The following ZBTB45 variants were observed in gnomAD, a reference collection of about 807,000 sequenced individuals.
ZBTB45 encodes zinc finger and BTB domain-containing protein 45.
Under a neutral mutation model 28.4 loss-of-function variants are expected in ZBTB45, and 22 were observed. That is an observed-to-expected ratio of 0.77 (90% CI 0.55 to 1.10). ZBTB45 has a LOEUF of 1.10. ZBTB45 is among the 50% of genes least tolerant of loss of function. The pLI is 0.00. For missense variants in ZBTB45, 656 were observed against 750.2 expected (o/e 0.87, Z 1.47); for synonymous variants, 361 against 332.3 (o/e 1.09, Z -0.94).
upstream of ZBTB45, among the ~76,000 whole-genome samples, chr19:58,520,405 G>T (rs1347262078): frequency 6.6e-6 from 1 of 152,084 alleles, no homozygotes; most frequent in Non-Finnish European, 1.5e-5. Context: ...AGTCAATCTG[G>T]TATGGGGGAC....
At chr19:58,527,245 A>C (rs540503782) in intron 1 of ZBTB45, among the ~76,000 whole-genome samples, 194 of 152,264 alleles carry the variant, frequency 1.3e-3, no homozygotes, top group African/African-American at 4.6e-3. Context: ...TGGCAGCTCC[A>C]GTTTTATGGC....
intron 1 of ZBTB45, among the ~76,000 whole-genome samples, chr19:58,525,205 G>A (rs1423834513): frequency 3.0e-4 from 45 of 152,062 alleles, no homozygotes; most frequent in Admixed American, 2.9e-3. Context: ...CCCCCTCTTT[G>A]GCAGTCATAC....
At chr19:58,530,047 A>T (rs544006862) in intron 1 of ZBTB45, among the ~76,000 whole-genome samples, 44 of 152,256 alleles carry the variant, frequency 2.9e-4, no homozygotes, top group Admixed American at 2.9e-3. Context: ...TACAAAAAAT[A>T]CAAAAATTAG....
chr19:58,527,976 C>T (rs1438940158), intron 1 of ZBTB45, among the ~76,000 whole-genome samples: 1 of 152,110 alleles, frequency 6.6e-6, no homozygotes, highest in African/African-American at 2.4e-5. Context: ...GCAGTACGTG[C>T]CTGTAATCTC....
At chr19:58,522,630 C>T (rs1444853562), upstream of ZBTB45, among the ~76,000 whole-genome samples, 5 of 151,992 alleles carry the variant, frequency 3.3e-5, no homozygotes, top group African/African-American at 7.2e-5. Context: ...AGTGAAAATC[C>T]GTCTCAGAAC....
Position 58,516,219 on chromosome 19 carries a change from GT to G in ZBTB45, c.1279+175del, listed in dbSNP as rs1318236723. The stretch of plus-strand genomic sequence containing the variant: ...AAGCCAGTGCCTGCTGCTCCACAGA[GT>G]GGGGCTTTCCCCTCCCCCACATACC... On this transcript the variant is annotated intron_variant, in intron 2 of 2. Transcript: ENST00000594051. This position sits in a 1 kb window ranked among gnomAD's most constrained non-coding sequence, Gnocchi z 6.2. 3.9e-5 allele frequency among the ~76,000 whole-genome samples: 6 copies of G among 152,156 alleles called. No individual in the cohort carries two copies. Among genetic ancestry groups the G allele is most frequent in the African/African-American group, 1.2e-4 (5 of 41,432 alleles).
rs1456078167 is a variant in ZBTB45 at position 58,514,132 on chromosome 19, C to T, written c.1458G>A (p.Ala486=). Residue 486 remains alanine (A), a synonymous_variant, in exon 3 of 3, where the codon GCG becomes GCA. Coordinates refer to ENST00000594051, the MANE Select transcript of ZBTB45 (RefSeq NM_001316979.2). ...AGACCTTGCCGCAGGCGGGGCAGGG[C>T]GCGCGCTCGGGCCGGTGAGTGCGCA... ...VHMRTHRPER[A]PCPACGKVFS... 2.5e-6 allele frequency: 4 copies of T among 1,601,374 alleles called. No homozygotes were observed. Among genetic ancestry groups the T allele is most frequent in the Admixed American group, 3.4e-5 (2 of 59,296 alleles).
Position 58,517,064 on chromosome 19 carries a change from CA to C in ZBTB45, c.609del (p.Asp204MetfsTer119), listed in dbSNP as rs767505088. ...PDADPSLSAA[P>X]DDRGDEDDEE... Reference sequence around the variant, plus strand: ...TCGTCATCCTCGTCACCTCGGTCATCAGGGGCCGCGGACAGTGAGGGGTCAG... The same window carrying C: ...TCGTCATCCTCGTCACCTCGGTCATCGGGGCCGCGGACAGTGAGGGGTCAG... On this transcript the variant is annotated frameshift_variant, in exon 2 of 3. Coordinates refer to ENST00000594051, the MANE Select transcript of ZBTB45 (RefSeq NM_001316979.2). LOFTEE classifies it high-confidence loss of function. 3 of 1,613,248 alleles carry C rather than the reference CA, an allele frequency of 1.9e-6. No homozygotes were observed. The highest frequency in any genetic ancestry group is 2.5e-6 in the Non-Finnish European group (3 of 1,179,994).
At position 58,517,528 on chromosome 19, in the gene ZBTB45, C is replaced by T; in HGVS notation, c.146G>A (p.Cys49Tyr). 1 of 1,613,582 alleles carries T rather than the reference C, an allele frequency of 6.2e-7. No homozygotes were observed. Among genetic ancestry groups the T allele is most frequent in the Non-Finnish European group, 8.5e-7 (1 of 1,179,986 alleles). ...IREASLRAHR[C>Y]VLAAGSPFFQ... ...GAAGGGTGAGCCGGCCGCCAGCACG[C>T]AGCGGTGGGCACGCAGCGAAGCTTC... The change falls in exon 2 of 3, where the codon TGC (cysteine) becomes TAC (tyrosine). Residue 49 changes from cysteine (C) to tyrosine (Y), a missense_variant. Cys to Tyr is a radical substitution (Grantham distance 194, BLOSUM62 -2). Transcript: ENST00000594051.
upstream of ZBTB45, among the ~76,000 whole-genome samples, chr19:58,520,717 T>G (rs1206440576): frequency 6.6e-6 from 1 of 152,028 alleles, no homozygotes; most frequent in Non-Finnish European, 1.5e-5. Context: ...AGGACAGGTG[T>G]CATGCTGAGA....
intron 1 of ZBTB45, among the ~76,000 whole-genome samples, chr19:58,527,698 T>G (rs1345235826): frequency 6.6e-6 from 1 of 152,198 alleles, no homozygotes; most frequent in African/African-American, 2.4e-5. Context: ...GCCGTCTTCC[T>G]GCTGGACCCA....
rs561341836 is a variant in ZBTB45 at position 58,519,417 on chromosome 19, A to C, written c.-1+325T>G. The C allele has an allele frequency of 5.0e-3, 767 of 152,532 alleles. 4 individuals are homozygous for C. Among genetic ancestry groups the C allele is most frequent in the Non-Finnish European group, 7.2e-3 (493 of 68,196 alleles). The allele number at this position is 152,532 out of a possible 1,614,324, so 9.4% of individuals were successfully genotyped here. On this transcript the variant is annotated intron_variant, in intron 1 of 2. Transcript: ENST00000594051. Reference sequence around the variant, plus strand: ...AAGGCCGGCCTGGACACTTCAGAACAAAGGCCTGCACTCGAGACCCGGCGC... The same window carrying C: ...AAGGCCGGCCTGGACACTTCAGAACCAAGGCCTGCACTCGAGACCCGGCGC...
At position 58,517,286 on chromosome 19, in the gene ZBTB45, T is replaced by C; in HGVS notation, c.388A>G (p.Thr130Ala). Residue 130 changes from threonine to alanine, a missense_variant, in exon 2 of 3, where the codon ACC becomes GCC. Physicochemically the swap from Thr to Ala is moderately conservative, Grantham distance 58. Transcript: ENST00000594051. Reference sequence around the variant, plus strand: ...GTGGGCAGGGGCGTGGGCGCAGAGGTGCCCGGGGCTCGAGCGCGGGCGATA... The same window carrying C: ...GTGGGCAGGGGCGTGGGCGCAGAGGCGCCCGGGGCTCGAGCGCGGGCGATA... ...QIIARARAPG[T>A]SAPTPLPTPV... 1 of 1,597,312 alleles carries C rather than the reference T, an allele frequency of 6.3e-7. No homozygotes were observed.
chr19:58,514,925 C>G (rs1019050520), intron 2 of ZBTB45, among the ~76,000 whole-genome samples: 1 of 152,184 alleles, frequency 6.6e-6, no homozygotes, highest in Non-Finnish European at 1.5e-5. Context: ...AACCCCTGCC[C>G]GCTGGCCACT....
upstream of ZBTB45, among the ~76,000 whole-genome samples, chr19:58,522,235 C>G (rs1002015543): frequency 6.6e-6 from 1 of 151,528 alleles, no homozygotes; most frequent in African/African-American, 2.4e-5. Flanking sequence ...GATCTTGGCT[C>G]ACTGCAACCT....
In ZBTB45 at chr19:58,515,369, AGTGCCTGCCAG is replaced by A. The variant is rs2053479207; in HGVS notation, c.1279+1015_1279+1025del. ...TCTCAGTGGCAGTGGACTGAAAGGC[AGTGCCTGCCAG>A]AGGGTACCCCAGAATAACCTGGCCC... is the stretch of plus-strand genomic sequence containing the variant. On this transcript the variant is annotated intron_variant, in intron 2 of 2. Transcript: ENST00000594051. This position sits in a 1 kb window ranked among gnomAD's most constrained non-coding sequence, Gnocchi z 4.7. 6.6e-6 allele frequency among the ~76,000 whole-genome samples: 1 copy of A among 151,682 alleles called. No homozygotes were observed. The highest frequency in any genetic ancestry group is 6.6e-5 in the Admixed American group (1 of 15,246).
At chr19:58,534,425 C>T (rs1009170480) in intron 1 of ZBTB45, among the ~76,000 whole-genome samples, 1 of 152,048 alleles carries the variant, frequency 6.6e-6, no homozygotes, top group African/African-American at 2.4e-5. Context: ...GACAGAATCT[C>T]TATCTCCAGG....
chr19:58,526,554 T>C (rs1337872899), intron 1 of ZBTB45, among the ~76,000 whole-genome samples: 4 of 116,596 alleles, frequency 3.4e-5, no homozygotes, highest in Non-Finnish European at 7.1e-5. Flanking sequence ...TTTTTTGAGA[T>C]GGAGTCTCGC....
rs535928935 is a variant in ZBTB45 at position 58,535,463 on chromosome 19, C to T, written c.-1+3238G>A. ...CAGCCTGGCCAACATGGTGAAACCT[C>T]GTCTCTACTAAAAATACAAAAATTA... On this transcript the variant is annotated intron_variant, in intron 1 of 1. Coordinates refer to the ZBTB45 transcript ENST00000600130. 6.6e-5 allele frequency among the ~76,000 whole-genome samples: 10 copies of T among 151,964 alleles called. No individual in the cohort carries two copies. In the East Asian group the frequency reaches 9.8e-4, roughly 15 times the overall value.
Sources: allele counts gnomAD v4.1 joint callset (sites outside exome capture counted in the v4.1 genomes callset), GRCh38; gene constraint gnomAD v4.1.1; non-coding constraint Gnocchi (gnomAD v3.1); transcripts MANE v1.5; gene names NCBI Gene and HGNC (gene_info 2026-07-23, HGNC 2026-07-21).